Variants in CCAR1 observed in about 807,000 individuals in gnomAD.
CCAR1 encodes cell division cycle and apoptosis regulator 1, also known as cell division cycle and apoptosis regulator protein 1.
CCAR1 carries 78 observed loss-of-function variants against 163.8 expected under a neutral mutation model. That is an observed-to-expected ratio of 0.48 (90% CI 0.40 to 0.57). The LOEUF (loss-of-function observed/expected upper bound fraction) is 0.57. Ranked by LOEUF, CCAR1 falls within the 20% of genes least tolerant of loss-of-function variation. The pLI, the probability that CCAR1 is intolerant of heterozygous loss-of-function variation, is 0.00. For missense variants in CCAR1, 1,019 were observed against 1,365.2 expected (o/e 0.75, Z 4.00); for synonymous variants, 443 against 460.7 (o/e 0.96, Z 0.49).
At chr10:68,732,967 A>G (rs556124355) in intron 2 of CCAR1, among the ~76,000 whole-genome samples, 1 of 152,124 alleles carries the variant, frequency 6.6e-6, no homozygotes, top group East Asian at 1.9e-4. Flanking sequence ...TTGATGCACT[A>G]TTTTTTCTGT....
In CCAR1 at chr10:68,756,628, T is replaced by C; in HGVS notation, c.1836+145T>C. On this transcript the variant is annotated intron_variant, in intron 14 of 24. Transcript: ENST00000265872. The surrounding 1 kb of genome is among the most constrained non-coding windows in gnomAD (Gnocchi z 5.1). Reference sequence around the variant, plus strand: ...ACTGGTAATCCAGCTTTCAGCAGTATAGTTGTATGTTCTTTTCTCTTAAAA... The same window carrying C: ...ACTGGTAATCCAGCTTTCAGCAGTACAGTTGTATGTTCTTTTCTCTTAAAA... 1.4e-6 allele frequency: 1 copy of C among 732,836 alleles called. No individual in the cohort carries two copies. The highest frequency in any genetic ancestry group is 2.4e-6 in the Non-Finnish European group (1 of 412,204). The allele number at this position is 732,836 out of a possible 1,614,324, so 45.4% of individuals were successfully genotyped here.
At chr10:68,778,542 T>C (rs1274972418) in intron 19 of CCAR1, among the ~76,000 whole-genome samples, 1 of 151,976 alleles carries the variant, frequency 6.6e-6, no homozygotes, top group Middle Eastern at 3.2e-3. Flanking sequence ...TTTTTTTTTT[T>C]CCATAGAATT....
chr10:68,764,281 C>T (rs1314948395), intron 16 of CCAR1, among the ~76,000 whole-genome samples: 5 of 151,996 alleles, frequency 3.3e-5, no homozygotes, highest in Non-Finnish European at 7.4e-5. Flanking sequence ...ACCCTGCCAG[C>T]CTCCGTCTCC....
intron 19 of CCAR1, among the ~76,000 whole-genome samples, chr10:68,773,630 C>T (rs2056628648): frequency 6.6e-6 from 1 of 151,704 alleles, no homozygotes; most frequent in Non-Finnish European, 1.5e-5. Context: ...CGTGCCATTG[C>T]ACTCCAGTCT....
At chr10:68,724,390 G>A (rs1054214832) in intron 2 of CCAR1, among the ~76,000 whole-genome samples, 29 of 152,004 alleles carry the variant, frequency 1.9e-4, no homozygotes, top group African/African-American at 5.5e-4. Flanking sequence ...TACTTGAACC[G>A]GGGAGGCAGA....
At chr10:68,726,003 T>C (rs1260185441) in intron 2 of CCAR1, among the ~76,000 whole-genome samples, 2 of 151,740 alleles carry the variant, frequency 1.3e-5, no homozygotes, top group Admixed American at 6.6e-5. Context: ...GTCCCAGCTA[T>C]TGGGGAGGCT....
Position 68,754,854 on chromosome 10 carries a change from T to C in CCAR1, c.1458+27T>C, listed in dbSNP as rs770082622. ...TAAAAGGACACATTTGTTTTAACTTTAGATGTATTCACTTTGCTTAGCTGT... is the reference window on the plus strand; with the variant it reads ...TAAAAGGACACATTTGTTTTAACTTCAGATGTATTCACTTTGCTTAGCTGT... On this transcript the variant is annotated intron_variant, in intron 12 of 24. Transcript: ENST00000265872. The C allele has an allele frequency of 9.7e-6, 12 of 1,230,980 alleles. No individual in the cohort carries two copies. In the East Asian group the frequency reaches 1.9e-4, roughly 19 times the overall value. The allele number at this position is 1,230,980 out of a possible 1,614,324, so 76.3% of individuals were successfully genotyped here. A position where few individuals can be genotyped will look rare whatever the true frequency, so the allele number is the denominator to read the frequency against.
At chr10:68,741,559 G>A (rs144588973) in intron 5 of CCAR1, among the ~76,000 whole-genome samples, 252 of 152,294 alleles carry the variant, frequency 1.7e-3, no homozygotes, top group African/African-American at 5.8e-3. Flanking sequence ...TGGTTAATAC[G>A]TAGAGTGAAA....
At chr10:68,780,269 C>T (rs1416442188) in intron 19 of CCAR1, among the ~76,000 whole-genome samples, 1 of 152,168 alleles carries the variant, frequency 6.6e-6, no homozygotes, top group Non-Finnish European at 1.5e-5. Flanking sequence ...GCTCGTGGCT[C>T]ACTGCTGCAT....
In CCAR1 at chr10:68,756,135, T is replaced by G; in HGVS notation, c.1626-138T>G. The G allele has an allele frequency of 1.6e-6, 1 of 618,916 alleles. No individual in the cohort carries two copies. The highest frequency in any genetic ancestry group is 2.1e-5 in the South Asian group (1 of 48,396). The allele number at this position is 618,916 out of a possible 1,614,324, so 38.3% of individuals were successfully genotyped here. On this transcript the variant is annotated intron_variant, in intron 13 of 24. Transcript: ENST00000265872. The surrounding 1 kb of genome is among the most constrained non-coding windows in gnomAD (Gnocchi z 5.1). ...AATGTACCAAAAGAGGAACTATGGC[T>G]TCTATAATTTTTTTTTCTTTAGACC...
intron 19 of CCAR1, among the ~76,000 whole-genome samples, chr10:68,773,888 T>A (rs1241158057): frequency 6.8e-6 from 1 of 147,120 alleles, no homozygotes; most frequent in East Asian, 2.0e-4. Context: ...AATTTTTAAA[T>A]TTTTTTTTTG....
chr10:68,733,337 G>A (rs373768764), intron 2 of CCAR1, among the ~76,000 whole-genome samples: 1 of 152,124 alleles, frequency 6.6e-6, no homozygotes, highest in East Asian at 1.9e-4. Flanking sequence ...CCTGAGTTCG[G>A]GAGGTTGAGG....
intron 2 of CCAR1, among the ~76,000 whole-genome samples, chr10:68,723,044 T>C (rs1360447078): frequency 6.6e-6 from 1 of 152,154 alleles, no homozygotes; most frequent in Non-Finnish European, 1.5e-5. Context: ...ATAGATCAAC[T>C]AACAAGCTGT....
At chr10:68,725,911 T>TC (rs1037608853) in intron 2 of CCAR1, among the ~76,000 whole-genome samples, 6 of 151,280 alleles carry the variant, frequency 4.0e-5, no homozygotes, top group Non-Finnish European at 7.4e-5. Flanking sequence ...CATCCAGGAG[T>TC]CCAAGACCAG....
chr10:68,736,907 T>C lies in CCAR1; in HGVS notation c.105T>C (p.Leu35=), dbSNP rs774231215. 2 of 1,614,022 alleles carry C rather than the reference T, an allele frequency of 1.2e-6. No homozygotes were observed. Among genetic ancestry groups the C allele is most frequent in the Non-Finnish European group, 1.7e-6 (2 of 1,179,958 alleles). The change falls in exon 3 of 25, where the codon CTT becomes CTC. Residue 35 remains leucine (L), a synonymous_variant. Coordinates refer to ENST00000265872, the MANE Select transcript of CCAR1 (RefSeq NM_018237.4). The stretch of plus-strand genomic sequence containing the variant: ...TGGGTGTTCAACAGCCATCACTCCT[T>C]GGAGCATCTCCTACCATTTATACAC... ...AALGVQQPSL[L]GASPTIYTQQ...
intron 2 of CCAR1, among the ~76,000 whole-genome samples, chr10:68,731,013 G>A (rs2056031080): frequency 6.6e-6 from 1 of 152,110 alleles, no homozygotes; most frequent in South Asian, 2.1e-4. Flanking sequence ...TTAGTAGATA[G>A]CCTGTGGTCA....
intron 8 of CCAR1, among the ~76,000 whole-genome samples, chr10:68,748,265 T>C (rs2056284051): frequency 6.6e-6 from 1 of 151,986 alleles, no homozygotes; most frequent in Non-Finnish European, 1.5e-5. Context: ...TGGGTCGTGG[T>C]GGCAGGCGCC....
At chr10:68,757,136 A>G (rs987078878) in intron 14 of CCAR1, among the ~76,000 whole-genome samples, 158 bp from the exon 15 acceptor site, 1 of 152,256 alleles carries the variant, frequency 6.6e-6, no homozygotes, top group East Asian at 1.9e-4. Flanking sequence ...TAAAAGTGGT[A>G]GAATGTATGT....
intron 20 of CCAR1, 143 bp downstream of exon 20, chr10:68,786,361 C>G (rs953970599): frequency 5.4e-6 from 4 of 747,498 alleles, no homozygotes; most frequent in African/African-American, 5.3e-5. Flanking sequence ...GTGGCTATGT[C>G]AGATAACTAG....
Sources: gnomAD v4.1 joint callset for allele counts (sites outside exome capture counted in the v4.1 genomes callset) on GRCh38, gnomAD v4.1.1 for gene constraint, Gnocchi (gnomAD v3.1) non-coding constraint, MANE v1.5 for transcripts, NCBI Gene and HGNC (gene_info 2026-07-23, HGNC 2026-07-21) for gene names.